BOC: variants seen among roughly 807,000 people sequenced by gnomAD.
BOC encodes BOC cell adhesion associated, oncogene regulated.
BOC carries 76 observed loss-of-function variants against 112.0 expected under a neutral mutation model. That is an observed-to-expected ratio of 0.68 (90% CI 0.56 to 0.82). The LOEUF is 0.82. BOC is among the 40% of genes least tolerant of loss of function. BOC has a pLI of 0.00. For missense variants in BOC, 1,309 were observed against 1,511.7 expected, an observed-to-expected ratio of 0.87 and a Z score of 2.22; for synonymous variants, 580 against 599.8, an observed-to-expected ratio of 0.97 and a Z score of 0.48.
chr3:113,222,898 T>TC (rs1940994267), intron 2 of BOC, among the ~76,000 whole-genome samples: 2 of 152,062 alleles, frequency 1.3e-5, no homozygotes, highest in African/African-American at 4.8e-5. Context: ...ACAGTTTAGT[T>TC]CCCCACACAC....
chr3:113,285,220 C>T, intron 18 of BOC, 152 bp from the exon 19 acceptor site: 2 of 673,268 alleles, frequency 3.0e-6, no homozygotes, highest in Non-Finnish European at 5.2e-6. Context: ...TGGTGTGGTA[C>T]CTCTTGATGT....
chr3:113,242,918 T>C (rs1336084529), intron 2 of BOC, among the ~76,000 whole-genome samples: 2 of 152,144 alleles, frequency 1.3e-5, no homozygotes, highest in Non-Finnish European at 2.9e-5. Context: ...CTTAATGTTT[T>C]TTCTACCTAA....
At chr3:113,237,071 A>G (rs1398285077) in intron 2 of BOC, among the ~76,000 whole-genome samples, 1 of 152,220 alleles carries the variant, frequency 6.6e-6, no homozygotes, top group Admixed American at 6.5e-5. Flanking sequence ...GCTGAGCTCC[A>G]ATGCTGTCAC....
intron 2 of BOC, among the ~76,000 whole-genome samples, chr3:113,230,148 A>G (rs1205155131): frequency 6.6e-6 from 1 of 152,212 alleles, no homozygotes; most frequent in African/African-American, 2.4e-5. Context: ...CTCTCAGTAC[A>G]TAGTGGTGCA....
Position 113,252,201 on chromosome 3 carries a change from C to T in BOC, c.376+1368C>T, listed in dbSNP as rs188802065. Among the ~76,000 whole-genome samples the T allele has an allele frequency of 2.6e-5, 4 of 152,246 alleles. No individual in the cohort carries two copies. The East Asian group carries it at 7.7e-4, about 29-fold the overall frequency. On this transcript the variant is annotated intron_variant, in intron 4 of 19. Coordinates refer to ENST00000682979, the MANE Select transcript of BOC (RefSeq NM_001378074.1). ...TTAAAGAACTGCCTCCAATTTGGCCCCTTTCCTGGCGCCTGAGGTGTAGAA... is the reference window on the plus strand; with the variant it reads ...TTAAAGAACTGCCTCCAATTTGGCCTCTTTCCTGGCGCCTGAGGTGTAGAA...
intron 7 of BOC, 135 bp from the exon 8 acceptor site, chr3:113,272,934 C>A: frequency 8.3e-7 from 1 of 1,200,322 alleles, no homozygotes; most frequent in Non-Finnish European, 1.2e-6. Context: ...ACCTCTCCTT[C>A]CCTCTACTCT....
intron 12 of BOC, 150 bp from the exon 13 acceptor site, chr3:113,279,674 C>T: frequency 1.2e-6 from 1 of 868,396 alleles, no homozygotes; most frequent in Non-Finnish European, 1.7e-6. Context: ...TCAGCTCTGA[C>T]AGTGGCGGGT....
chr3:113,240,199 T>G (rs1944106007), intron 2 of BOC, among the ~76,000 whole-genome samples: 1 of 152,160 alleles, frequency 6.6e-6, no homozygotes, highest in Non-Finnish European at 1.5e-5. Flanking sequence ...TGATGATGCA[T>G]CTCAGCAGTG....
chr3:113,225,101 AAAAC>A (rs1252263333), intron 2 of BOC, among the ~76,000 whole-genome samples: 4 of 149,996 alleles, frequency 2.7e-5, no homozygotes, highest in African/African-American at 7.4e-5. Context: ...AAACAAAACA[AAAAC>A]AAACAAAAAA....
chr3:113,285,712 G>A, intron 19 of BOC, 147 bp downstream of exon 19: 2 of 836,574 alleles, frequency 2.4e-6, no homozygotes, highest in East Asian at 2.9e-5. Flanking sequence ...GGGCATCGAG[G>A]GTGGCTGGCC....
intron 9 of BOC, among the ~76,000 whole-genome samples, chr3:113,276,040 C>T (rs896474258): frequency 1.3e-5 from 2 of 152,234 alleles, no homozygotes; most frequent in Non-Finnish European, 2.9e-5. Context: ...GAGTTTTTAA[C>T]AAAAAGCAGC....
At chr3:113,225,464 A>C (rs1419235804) in intron 2 of BOC, among the ~76,000 whole-genome samples, 1 of 152,208 alleles carries the variant, frequency 6.6e-6, no homozygotes, top group Non-Finnish European at 1.5e-5. Flanking sequence ...TGAAGATCCA[A>C]GTCCACACCA....
chr3:113,279,542 T>G (rs1948991356), intron 12 of BOC, 87 bp downstream of exon 12: 15 of 1,336,010 alleles, frequency 1.1e-5, no homozygotes, highest in Non-Finnish European at 1.4e-5. Flanking sequence ...TGGGATCCCC[T>G]TCTCTCGGCC....
At chr3:113,249,648 G>T (rs182319794) in intron 2 of BOC, 74 bp from the exon 3 acceptor site, 86 of 583,466 alleles carry the variant, frequency 1.5e-4, no homozygotes, top group Middle Eastern at 4.3e-4. Context: ...ACAAAGCCAA[G>T]CCCTGTGGCC....
chr3:113,230,744 A>G (rs1452871409), intron 2 of BOC, among the ~76,000 whole-genome samples: 1 of 152,238 alleles, frequency 6.6e-6, no homozygotes, highest in Non-Finnish European at 1.5e-5. Context: ...AGTACATTCA[A>G]TAAATCTCAG....
chr3:113,267,435 T>C (rs1947608336), intron 4 of BOC, among the ~76,000 whole-genome samples: 1 of 152,206 alleles, frequency 6.6e-6, no homozygotes, highest in African/African-American at 2.4e-5. Context: ...GAGAGATGGC[T>C]ATGGGGCTGC....
At chr3:113,270,979 A>G (rs767208510) in intron 6 of BOC, 35 bp downstream of exon 6, 7 of 1,613,358 alleles carry the variant, frequency 4.3e-6, no homozygotes, top group Non-Finnish European at 5.9e-6. Flanking sequence ...GGGATGGGGG[A>G]TCACTGATGG....
Position 113,216,272 on chromosome 3 carries a change from G to A in BOC, c.-84G>A. The A allele has an allele frequency of 2.2e-6, 1 of 456,694 alleles. No homozygotes were observed. Among genetic ancestry groups the A allele is most frequent in the South Asian group, 1.5e-5 (1 of 64,554 alleles). 28.3% of individuals were successfully genotyped at this position (456,694 alleles called of 1,614,324 possible). The stretch of plus-strand genomic sequence containing the variant: ...TGAGGGTAGCAGCTCGAAAGTAGAA[G>A]AAGTGGGTGAGGTTTTCTCTTCAGT... On this transcript the variant is annotated splice_region_variant and 5_prime_UTR_variant, in exon 2 of 20. Coordinates refer to ENST00000682979, the MANE Select transcript of BOC (RefSeq NM_001378074.1).
intron 4 of BOC, among the ~76,000 whole-genome samples, chr3:113,264,398 C>A (rs1168877240): frequency 1.3e-5 from 2 of 152,218 alleles, no homozygotes. Context: ...TCCTGTCAAA[C>A]CATTTCCCCA....
Sources: gnomAD v4.1 joint callset for allele counts (sites outside exome capture counted in the v4.1 genomes callset) on GRCh38, gnomAD v4.1.1 for gene constraint, MANE v1.5 for transcripts, NCBI Gene and HGNC (gene_info 2026-07-23, HGNC 2026-07-21) for gene names.